Variants in LRMDA observed in about 807,000 individuals in gnomAD.
The protein encoded by LRMDA is leucine-rich melanocyte differentiation-associated protein.
A neutral mutation model predicts 29.8 loss-of-function variants in LRMDA; 18 were observed. The ratio of observed to expected loss-of-function variants is 0.60; its 90% CI spans 0.42 to 0.90. LRMDA has a LOEUF of 0.90. Among genes scored for constraint, LRMDA ranks in the 40% least tolerant of loss-of-function variants. LRMDA has a pLI of 0.00. For synonymous variants in LRMDA, 125 were observed against 109.4 expected (o/e 1.14, Z -0.89); for missense variants, 273 against 273.9 (o/e 1.00, Z 0.02).
At chr10:75,491,273 A>G (rs1844983693) in intron 2 of LRMDA, among the ~76,000 whole-genome samples, 2 of 152,174 alleles carry the variant, frequency 1.3e-5, no homozygotes, top group Admixed American at 6.5e-5. Flanking sequence ...TAAGGAAAGT[A>G]TTTGTCACTC....
chr10:76,558,737 GA>G lies in LRMDA; in HGVS notation c.*1451del, dbSNP rs1314961567. 2 of 152,188 alleles carry G rather than the reference GA, an allele frequency of 1.3e-5. No individual in the cohort carries two copies. Among genetic ancestry groups the G allele is most frequent in the African/African-American group, 4.8e-5 (2 of 41,442 alleles). 9.4% of individuals were successfully genotyped at this position (152,188 alleles called of 1,614,324 possible). On this transcript the variant is annotated 3_prime_UTR_variant, in exon 7 of 7. Coordinates refer to ENST00000611255, the MANE Select transcript of LRMDA (RefSeq NM_001305581.2). The stretch of plus-strand genomic sequence containing the variant: ...TCAGAATCCCTAAGCTGCCCAAGGA[GA>G]ACCTACTTTCTCAGCTCTAGCCCGT...
chr10:75,784,197 T>G (rs897667679), intron 2 of LRMDA, among the ~76,000 whole-genome samples: 1 of 152,192 alleles, frequency 6.6e-6, no homozygotes, highest in African/African-American at 2.4e-5. Flanking sequence ...TCCCAGATCT[T>G]CCGCTTAATG....
intron 2 of LRMDA, among the ~76,000 whole-genome samples, chr10:75,727,953 C>T (rs1337554581): frequency 1.3e-5 from 2 of 152,082 alleles, no homozygotes; most frequent in Admixed American, 6.5e-5. Context: ...TGATTTTTTT[C>T]CCCTTAATAA....
At chr10:76,221,991 C>G (rs1478569476) in intron 5 of LRMDA, among the ~76,000 whole-genome samples, 1 of 152,014 alleles carries the variant, frequency 6.6e-6, no homozygotes, top group Admixed American at 6.6e-5. Flanking sequence ...TGATCTTTGA[C>G]AAACCTGAGA....
At position 75,579,292 on chromosome 10, in the gene LRMDA, A is replaced by G. The variant is rs188010192; in HGVS notation, c.131+140798A>G. ...ATTACCTTCAGGGGATACTACAAAC[A>G]CCTCTATGCAAATAAACTAAAGAAT... On this transcript the variant is annotated intron_variant, in intron 2 of 6. Coordinates refer to ENST00000611255, the MANE Select transcript of LRMDA (RefSeq NM_001305581.2). Among the ~76,000 whole-genome samples, 366 of 152,296 alleles carry G rather than the reference A, an allele frequency of 2.4e-3. 5 individuals carry two copies. Among genetic ancestry groups the G allele is most frequent in the African/African-American group, 8.7e-3 (362 of 41,560 alleles).
chr10:76,028,815 A>T (rs1457442894), intron 2 of LRMDA, among the ~76,000 whole-genome samples: 3 of 146,898 alleles, frequency 2.0e-5, no homozygotes, highest in Admixed American at 6.9e-5. Context: ...GCTTATTCAA[A>T]GCCTTTTTTT....
intron 2 of LRMDA, among the ~76,000 whole-genome samples, chr10:75,614,355 T>G (rs956075614): frequency 1.6e-4 from 25 of 152,096 alleles, no homozygotes; most frequent in Admixed American, 8.5e-4. Flanking sequence ...CGGGAAGGGA[T>G]GATGTATGTG....
intron 2 of LRMDA, among the ~76,000 whole-genome samples, chr10:75,572,368 G>A (rs533472256): frequency 2.0e-4 from 29 of 148,428 alleles, no homozygotes; most frequent in Admixed American, 7.4e-4. Flanking sequence ...TGCAGTTATC[G>A]CCATTTACCA....
At chr10:76,541,266 C>T (rs950423120) in intron 6 of LRMDA, among the ~76,000 whole-genome samples, 15 of 152,204 alleles carry the variant, frequency 9.9e-5, no homozygotes, top group African/African-American at 2.2e-4. Flanking sequence ...TTTGGGAGGC[C>T]GAGTTGGGTG....
chr10:76,066,604 C>T (rs1479226529), intron 5 of LRMDA, among the ~76,000 whole-genome samples: 2 of 152,210 alleles, frequency 1.3e-5, no homozygotes, highest in African/African-American at 2.4e-5. Context: ...ACAAGGCATA[C>T]ATTTCTGATG....
rs115995259 is a variant in LRMDA at position 75,701,616 on chromosome 10, T to G, written c.131+263122T>G. 1.8e-3 allele frequency among the ~76,000 whole-genome samples: 279 copies of G among 152,316 alleles called. 1 individual carries two copies. Among genetic ancestry groups the G allele is most frequent in the African/African-American group, 6.3e-3 (260 of 41,554 alleles). ...GTGCTGAAGGGAGGTAATAAGAGTT[T>G]CTGAGCAGTGATAATCTTTAGTCAA... On this transcript the variant is annotated intron_variant, in intron 2 of 6. Coordinates refer to ENST00000611255, the MANE Select transcript of LRMDA (RefSeq NM_001305581.2).
At chr10:75,452,775 T>C (rs1478557986) in intron 2 of LRMDA, among the ~76,000 whole-genome samples, 1 of 152,130 alleles carries the variant, frequency 6.6e-6, no homozygotes, top group Non-Finnish European at 1.5e-5. Flanking sequence ...GTGCATATAA[T>C]CCTTCATGAC....
intron 2 of LRMDA, among the ~76,000 whole-genome samples, chr10:76,034,091 T>C (rs1277606065): frequency 6.6e-6 from 1 of 152,158 alleles, no homozygotes; most frequent in Non-Finnish European, 1.5e-5. Context: ...AGATGGGCTA[T>C]TGACAGGCCC....
At chr10:75,769,744 G>C (rs1843214820) in intron 2 of LRMDA, among the ~76,000 whole-genome samples, 1 of 152,152 alleles carries the variant, frequency 6.6e-6, no homozygotes, top group South Asian at 2.1e-4. Context: ...GCCAGGCATG[G>C]CATCCTCATT....
intron 2 of LRMDA, among the ~76,000 whole-genome samples, chr10:75,724,837 C>T (rs529806578): frequency 2.0e-5 from 3 of 152,336 alleles, no homozygotes; most frequent in Admixed American, 2.0e-4. Context: ...GTGTGATTCT[C>T]AGCCCTGTGT....
chr10:75,954,860 A>T (rs188117328), intron 2 of LRMDA, among the ~76,000 whole-genome samples: 124 of 152,362 alleles, frequency 8.1e-4, no homozygotes, highest in Middle Eastern at 3.4e-3. Flanking sequence ...CTGAAAAGTC[A>T]GGCAGTGAGT....
intron 2 of LRMDA, among the ~76,000 whole-genome samples, chr10:75,446,311 C>T (rs978389136): frequency 2.6e-5 from 4 of 152,202 alleles, no homozygotes; most frequent in Admixed American, 1.3e-4. Flanking sequence ...GTGTAATGTG[C>T]CTTCTAAATT....
intron 5 of LRMDA, among the ~76,000 whole-genome samples, chr10:76,236,754 T>A (rs1382084701): frequency 6.6e-6 from 1 of 152,234 alleles, no homozygotes; most frequent in Non-Finnish European, 1.5e-5. Flanking sequence ...CCCTTAGACT[T>A]CTTCTCTGAT....
chr10:75,797,763 A>G (rs754429894), intron 2 of LRMDA, among the ~76,000 whole-genome samples: 1 of 152,188 alleles, frequency 6.6e-6, no homozygotes, highest in Non-Finnish European at 1.5e-5. Flanking sequence ...TATTGCATGG[A>G]TATAGCACAT....
Sources: allele counts gnomAD v4.1 joint callset (sites outside exome capture counted in the v4.1 genomes callset), GRCh38; gene constraint gnomAD v4.1.1; transcripts MANE v1.5; gene names NCBI Gene and HGNC (gene_info 2026-07-23, HGNC 2026-07-21).